The following DLGAP2 variants were observed in gnomAD, a reference collection of about 807,000 sequenced individuals.
DLGAP2 encodes the protein disks large-associated protein 2.
DLGAP2 carries 26 observed loss-of-function variants against 100.3 expected under a neutral mutation model. The ratio of observed to expected loss-of-function variants is 0.26; its 90% CI spans 0.19 to 0.36. The LOEUF (loss-of-function observed/expected upper bound fraction) is 0.36, where lower values mean the gene tolerates loss of function less well. Among genes scored for constraint, DLGAP2 ranks in the 10% least tolerant of loss-of-function variants. The pLI, the probability that DLGAP2 is intolerant of heterozygous loss-of-function variation, is 1.00. For missense variants in DLGAP2, 1,858 were observed against 1,453.2 expected (o/e 1.28, Z -4.53); for synonymous variants, 886 against 630.1 (o/e 1.41, Z -6.08).
At chr8:1,075,879 C>T (rs73540096) in intron 2 of DLGAP2, among the ~76,000 whole-genome samples, 7,042 of 150,472 alleles carry the variant, frequency 0.047, 536 homozygotes, top group African/African-American at 0.16. Context: ...CCAGCCTGGG[C>T]AACGGAGGGA....
intron 1 of DLGAP2, among the ~76,000 whole-genome samples, chr8:818,727 T>C (rs1457472293): frequency 6.6e-6 from 1 of 152,192 alleles, no homozygotes; most frequent in African/African-American, 2.4e-5. Flanking sequence ...GCAAGATTTA[T>C]AAAGAAAATA....
chr8:1,689,431 C>G (rs943506064), intron 12 of DLGAP2, among the ~76,000 whole-genome samples: 1 of 152,196 alleles, frequency 6.6e-6, no homozygotes, highest in Non-Finnish European at 1.5e-5. Flanking sequence ...GGATGGATCT[C>G]TCGCCTCTGC....
rs1292010225 is a variant in DLGAP2 at position 1,416,701 on chromosome 8, A to G, written c.107-84665A>G. 2.6e-5 allele frequency among the ~76,000 whole-genome samples: 4 copies of G among 152,192 alleles called. No individual in the cohort carries two copies. The East Asian group carries it at 7.7e-4, about 29-fold the overall frequency. ...CAAAGTGTCTATCAGGTCACTTAAT[A>G]AGTAAAACAAGGAATCAAAAACCAG... On this transcript the variant is annotated intron_variant, in intron 3 of 14. Transcript: ENST00000637795.
rs189934696 is a variant in DLGAP2, at chr8:1,307,898, G to C, written c.106+49015G>C. On this transcript the variant is annotated intron_variant, in intron 3 of 14. Transcript: ENST00000637795. ...AGGAGAACTAGGTAGTTAGAAATGG[G>C]TACAGAGTTTCACATGAGGAAAAGG... Among the ~76,000 whole-genome samples, 770 of 152,230 alleles carry C rather than the reference G, an allele frequency of 5.1e-3. 4 individuals carry two copies. Among genetic ancestry groups the C allele is most frequent in the Middle Eastern group, 0.024 (7 of 294 alleles).
At chr8:1,280,718 C>G (rs1435916501) in intron 3 of DLGAP2, among the ~76,000 whole-genome samples, 2 of 152,106 alleles carry the variant, frequency 1.3e-5, no homozygotes, top group East Asian at 3.9e-4. Context: ...CCACCTTCAT[C>G]TGGGCAGAGG....
intron 2 of DLGAP2, among the ~76,000 whole-genome samples, chr8:1,174,121 G>A (rs1287900296): frequency 1.3e-5 from 2 of 152,156 alleles, no homozygotes; most frequent in Non-Finnish European, 2.9e-5. Flanking sequence ...TCAGGGCTTA[G>A]GGGAGATCTA....
chr8:1,632,918 T>G lies in DLGAP2; in HGVS notation c.1682T>G (p.Leu561Arg). Residue 561 changes from leucine to arginine, a missense_variant, in exon 8 of 15, where the codon CTC becomes CGC. By Grantham distance (102) the Leu-to-Arg change is moderately radical. Coordinates refer to ENST00000637795, the MANE Select transcript of DLGAP2 (RefSeq NM_001346810.2). ...VESQAMDALD[L>R]PGCFRTRSHS... The stretch of plus-strand genomic sequence containing the variant: ...TCTCAGGCCATGGATGCCCTCGACC[T>G]CCCGGGATGTTTCCGAACAAGGAGT... The G allele has an allele frequency of 6.2e-7, 1 of 1,613,838 alleles. No homozygotes were observed. Among genetic ancestry groups the G allele is most frequent in the Non-Finnish European group, 8.5e-7 (1 of 1,179,870 alleles).
intron 1 of DLGAP2, among the ~76,000 whole-genome samples, chr8:844,828 C>T (rs1318805285): frequency 6.6e-6 from 1 of 152,204 alleles, no homozygotes; most frequent in South Asian, 2.1e-4. Flanking sequence ...GCCATCCTCT[C>T]TTCCCCTGCC....
At chr8:1,053,539 G>C (rs932861337) in intron 2 of DLGAP2, among the ~76,000 whole-genome samples, 1 of 152,146 alleles carries the variant, frequency 6.6e-6, no homozygotes, top group East Asian at 1.9e-4. Flanking sequence ...TGTGCATGCA[G>C]CTGAAGAAGA....
chr8:1,048,989 G>A (rs1802594836), intron 2 of DLGAP2, among the ~76,000 whole-genome samples: 1 of 152,208 alleles, frequency 6.6e-6, no homozygotes, highest in South Asian at 2.1e-4. Context: ...TTTCCAGGAA[G>A]CATGATAATT....
At chr8:1,444,245 C>T (rs1226541690) in intron 3 of DLGAP2, among the ~76,000 whole-genome samples, 1 of 152,168 alleles carries the variant, frequency 6.6e-6, no homozygotes, top group Admixed American at 6.5e-5. Flanking sequence ...GTCACTGCAC[C>T]CGTCTCAATA....
chr8:739,287 CAG>C (rs1336848599), intron 1 of DLGAP2: 3 of 152,272 alleles, frequency 2.0e-5, no homozygotes, highest in Non-Finnish European at 4.4e-5. Context: ...GCGCGGCGGA[CAG>C]AGACCCGGTC....
chr8:1,469,413 C>A (rs546129175), intron 3 of DLGAP2, among the ~76,000 whole-genome samples: 1 of 152,350 alleles, frequency 6.6e-6, no homozygotes, highest in East Asian at 1.9e-4. Context: ...TCAGGAGACC[C>A]TCCATGTGGC....
At chr8:1,065,485 C>T (rs1232310523) in intron 2 of DLGAP2, among the ~76,000 whole-genome samples, 2 of 152,212 alleles carry the variant, frequency 1.3e-5, no homozygotes, top group Non-Finnish European at 2.9e-5. Context: ...TCTCTTATCA[C>T]ACAACACGGA....
In DLGAP2 at chr8:1,117,277, T is replaced by C. The variant is rs147130546; in HGVS notation, c.74-141574T>C. ...CTCTCTGAGGCTGATGGCACAACCC[T>C]GGGCAGGTGTGCAGACAGATCCCAC... is the stretch of plus-strand genomic sequence containing the variant. On this transcript the variant is annotated intron_variant, in intron 2 of 14. Coordinates refer to ENST00000637795, the MANE Select transcript of DLGAP2 (RefSeq NM_001346810.2). Among the ~76,000 whole-genome samples, 1,264 of 152,340 alleles carry C rather than the reference T, an allele frequency of 8.3e-3. 18 individuals carry two copies. The highest frequency in any genetic ancestry group is 0.028 in the African/African-American group (1,178 of 41,568).
At chr8:1,692,760 T>C (rs1041506288) in intron 13 of DLGAP2, among the ~76,000 whole-genome samples, 3 of 152,028 alleles carry the variant, frequency 2.0e-5, no homozygotes, top group Non-Finnish European at 2.9e-5. Flanking sequence ...GAAACGAATA[T>C]ACCATGAACT....
intron 6 of DLGAP2, among the ~76,000 whole-genome samples, chr8:1,602,240 G>T (rs978995967): frequency 6.6e-6 from 1 of 152,222 alleles, no homozygotes; most frequent in East Asian, 1.9e-4. Context: ...AGTAAACAGT[G>T]TAAGATAATG....
Position 1,097,654 on chromosome 8 carries a change from GCCCGGGGCAGGCC to G in DLGAP2, c.74-161196_74-161184del, listed in dbSNP as rs1804427611. On this transcript the variant is annotated intron_variant, in intron 2 of 14. Transcript: ENST00000637795. ...TCTGCTCAGGAGAGTCGAGCTGGGAGCCCGGGGCAGGCCTTCACCCTCTGTGGCATGGAGAGGT... is the reference window on the plus strand; with the variant it reads ...TCTGCTCAGGAGAGTCGAGCTGGGAGTTCACCCTCTGTGGCATGGAGAGGT... Among the ~76,000 whole-genome samples, 5 of 140,172 alleles carry G rather than the reference GCCCGGGGCAGGCC, an allele frequency of 3.6e-5. 1 individual carries two copies. Among genetic ancestry groups the G allele is most frequent in the African/African-American group, 1.1e-4 (4 of 35,714 alleles). The allele number at this position is 140,172 out of a possible 152,430, so 92.0% of individuals were successfully genotyped here.
chr8:1,186,450 C>T (rs1797506759), intron 2 of DLGAP2, among the ~76,000 whole-genome samples: 1 of 152,208 alleles, frequency 6.6e-6, no homozygotes, highest in South Asian at 2.1e-4. Context: ...GCAGCGAGTT[C>T]AGTTGCTTCA....
Sources: gnomAD v4.1 joint callset for allele counts (sites outside exome capture counted in the v4.1 genomes callset) on GRCh38, gnomAD v4.1.1 for gene constraint, MANE v1.5 for transcripts, NCBI Gene and HGNC (gene_info 2026-07-23, HGNC 2026-07-21) for gene names.